MAPK14: variants seen among roughly 807,000 people sequenced by gnomAD.
MAPK14 encodes the protein CSAID-binding protein.
Under a neutral mutation model 49.6 loss-of-function variants are expected in MAPK14, and 16 were observed. The ratio of observed to expected loss-of-function variants is 0.32; its 90% CI spans 0.22 to 0.49. The LOEUF (loss-of-function observed/expected upper bound fraction) is 0.49. Among genes scored for constraint, MAPK14 ranks in the 20% least tolerant of loss-of-function variants. The pLI is 0.99. For missense variants in MAPK14, 200 were observed against 441.2 expected, an observed-to-expected ratio of 0.45 and a Z score of 4.90; for synonymous variants, 142 against 158.0, an observed-to-expected ratio of 0.90 and a Z score of 0.76.
At chr6:36,090,530 T>G (rs984275230) in intron 8 of MAPK14, among the ~76,000 whole-genome samples, 1 of 149,710 alleles carries the variant, frequency 6.7e-6, no homozygotes, top group Non-Finnish European at 1.5e-5. Flanking sequence ...TCTCTCTCTT[T>G]TTTTTTTTTT....
chr6:36,120,928 C>T, the MAPK14 span, among the ~76,000 whole-genome samples: 14 of 152,168 alleles, frequency 9.2e-5, no homozygotes, highest in Non-Finnish European at 2.1e-4. Flanking sequence ...CACTCGTGCC[C>T]TCAAGAACTT....
chr6:36,118,857 G>A, the MAPK14 span, among the ~76,000 whole-genome samples: 2 of 152,156 alleles, frequency 1.3e-5, no homozygotes, highest in African/African-American at 4.8e-5. Flanking sequence ...CTGCTTCACG[G>A]TGAGGAAACA....
At chr6:36,095,868 T>G in intron 8 of MAPK14, 119 bp from the exon 9 acceptor site, 1 of 641,114 alleles carries the variant, frequency 1.6e-6, no homozygotes, top group Non-Finnish European at 2.7e-6. Flanking sequence ...GTTGGCTAGG[T>G]TTGGGGTGTT....
At chr6:36,068,428 T>G (rs1764144553) in intron 3 of MAPK14, among the ~76,000 whole-genome samples, 1 of 152,290 alleles carries the variant, frequency 6.6e-6, no homozygotes, top group East Asian at 1.9e-4. Context: ...ATCTGAGTTT[T>G]ATTTCTAAAG....
intron 8 of MAPK14, among the ~76,000 whole-genome samples, chr6:36,082,438 C>A (rs891262966): frequency 2.0e-5 from 3 of 152,164 alleles, no homozygotes; most frequent in Non-Finnish European, 4.4e-5. Context: ...TGAAGGAATA[C>A]CTGAAACTAG....
intron 1 of MAPK14, among the ~76,000 whole-genome samples, chr6:36,047,636 G>A (rs895667377): frequency 3.9e-5 from 6 of 152,014 alleles, no homozygotes; most frequent in African/African-American, 7.3e-5. Context: ...CCATCATGGC[G>A]CACCACAACA....
intron 6 of MAPK14, 155 bp from the exon 7 acceptor site, chr6:36,075,693 T>C: frequency 2.1e-6 from 2 of 969,890 alleles, no homozygotes; most frequent in South Asian, 2.9e-5. Context: ...TACCATACAT[T>C]CTAAGTATGG....
At chr6:36,065,284 T>C (rs931176779) in intron 3 of MAPK14, among the ~76,000 whole-genome samples, 2 of 152,242 alleles carry the variant, frequency 1.3e-5, no homozygotes, top group African/African-American at 4.8e-5. Context: ...ATGCACTCCA[T>C]TGTTTGTTAA....
At chr6:36,115,449 A>G (rs1031422398), downstream of MAPK14, among the ~76,000 whole-genome samples, 1 of 152,226 alleles carries the variant, frequency 6.6e-6, no homozygotes, top group Non-Finnish European at 1.5e-5. Context: ...AAATATAATG[A>G]TCCAATATAA....
intron 1 of MAPK14, among the ~76,000 whole-genome samples, chr6:36,035,120 A>G (rs538687446): frequency 3.9e-5 from 6 of 152,052 alleles, no homozygotes; most frequent in African/African-American, 1.4e-4. Context: ...GCTGGTCTCG[A>G]ACTCCTGACC....
Position 36,027,845 on chromosome 6 carries a change from T to C in MAPK14, c.-313T>C, listed in dbSNP as rs1762365021. On this transcript the variant is annotated 5_prime_UTR_variant, in exon 1 of 12. Coordinates refer to ENST00000229794, the MANE Select transcript of MAPK14 (RefSeq NM_139012.3). ...GCGGGCGCAGCAGCTGGAACGGGAG[T>C]ACTGCGACGCAGCCCGGAGTCGGCC... The C allele has an allele frequency of 2.5e-6, 1 of 401,240 alleles. No individual in the cohort carries two copies. Among genetic ancestry groups the C allele is most frequent in the Non-Finnish European group, 4.4e-6 (1 of 228,258 alleles). The allele number at this position is 401,240 out of a possible 1,614,324, so 24.9% of individuals were successfully genotyped here.
At position 36,109,795 on chromosome 6, in the gene MAPK14, A is replaced by G. The variant is rs202154303; in HGVS notation, c.*1348A>G. 2.6e-5 allele frequency: 4 copies of G among 152,684 alleles called. No homozygotes were observed. Among genetic ancestry groups the G allele is most frequent in the African/African-American group, 4.8e-5 (2 of 41,474 alleles). 9.5% of individuals were successfully genotyped at this position (152,684 alleles called of 1,614,324 possible). A position where few individuals can be genotyped will look rare whatever the true frequency, so the allele number is the denominator to read the frequency against. On this transcript the variant is annotated 3_prime_UTR_variant, in exon 12 of 12. Coordinates refer to ENST00000229794, the MANE Select transcript of MAPK14 (RefSeq NM_139012.3). Reference sequence around the variant, plus strand: ...AAATCAAAGTAAAAAATTAAAGCCCATAAGGCCAGAAACTCCTTTTGCTGT... The same window carrying G: ...AAATCAAAGTAAAAAATTAAAGCCCGTAAGGCCAGAAACTCCTTTTGCTGT...
chr6:36,123,052 ACCT>A, the MAPK14 span, among the ~76,000 whole-genome samples: 5 of 151,842 alleles, frequency 3.3e-5, no homozygotes, highest in East Asian at 1.9e-4. Flanking sequence ...ACTCGGGAAC[ACCT>A]CCTTGTAGAT....
rs67149910 is a variant in MAPK14, at chr6:36,107,269, T to TACAC, written c.842-166_842-163dup. ...AATTTTAAAACATAGAAAATACAGA[T>TACAC]ACACACACACACACACACACACATA... On this transcript the variant is annotated intron_variant, in intron 10 of 11. Coordinates refer to ENST00000229794, the MANE Select transcript of MAPK14 (RefSeq NM_139012.3). The surrounding 1 kb of genome is among the most constrained non-coding windows in gnomAD (Gnocchi z 4.3). 6.6e-6 allele frequency among the ~76,000 whole-genome samples: 1 copy of TACAC among 150,660 alleles called. No homozygotes were observed. The highest frequency in any genetic ancestry group is 2.4e-5 in the African/African-American group (1 of 40,974).
intron 9 of MAPK14, among the ~76,000 whole-genome samples, chr6:36,099,594 TCTC>T (rs1319401971): frequency 2.0e-5 from 3 of 152,200 alleles, no homozygotes; most frequent in African/African-American, 4.8e-5. Context: ...CTTCTCCTCT[TCTC>T]CTCTTTCTTC....
intron 3 of MAPK14, among the ~76,000 whole-genome samples, chr6:36,069,449 A>G (rs73730440): frequency 0.14 from 21,206 of 152,170 alleles, 1,804 homozygotes; most frequent in African/African-American, 0.24. Flanking sequence ...GCCTCCTGGA[A>G]ACAAGTATAG....
chr6:36,049,529 A>G (rs2127413781), intron 1 of MAPK14, among the ~76,000 whole-genome samples: 2 of 152,298 alleles, frequency 1.3e-5, no homozygotes, highest in Middle Eastern at 6.8e-3. Flanking sequence ...TTCTTATTCC[A>G]TTAACTCTGG....
chr6:36,062,360 A>G (rs1763855579), intron 3 of MAPK14, among the ~76,000 whole-genome samples: 1 of 152,318 alleles, frequency 6.6e-6, no homozygotes, highest in East Asian at 1.9e-4. Context: ...GCAAATTTAA[A>G]TACCTTCAGG....
At position 36,110,697 on chromosome 6, in the gene MAPK14, GT is replaced by G. The variant is rs1305376898; in HGVS notation, c.*2252del. The G allele has an allele frequency of 1.3e-5, 2 of 152,310 alleles. No individual in the cohort carries two copies. Among genetic ancestry groups the G allele is most frequent in the African/African-American group, 4.8e-5 (2 of 41,448 alleles). 9.4% of individuals were successfully genotyped at this position (152,310 alleles called of 1,614,324 possible). On this transcript the variant is annotated 3_prime_UTR_variant, in exon 12 of 12. Transcript: ENST00000229794. The stretch of plus-strand genomic sequence containing the variant: ...GTATTCATGAACTTGGCTGTAATCA[GT>G]TATGCCGTATAGGATGTCAGACAAT...
Sources: allele counts gnomAD v4.1 joint callset (sites outside exome capture counted in the v4.1 genomes callset), GRCh38; gene constraint gnomAD v4.1.1; non-coding constraint Gnocchi (gnomAD v3.1); transcripts MANE v1.5; gene names NCBI Gene and HGNC (gene_info 2026-07-23, HGNC 2026-07-21).